GRK3: variants seen among roughly 807,000 people sequenced by gnomAD.
GRK3 encodes the protein G protein-coupled receptor kinase 3.
A neutral mutation model predicts 95.7 loss-of-function variants in GRK3; 54 were observed. That is an observed-to-expected ratio of 0.56 (90% CI 0.45 to 0.71). GRK3 has a LOEUF of 0.71. Ranked by LOEUF, GRK3 falls within the 30% of genes least tolerant of loss-of-function variation. The pLI is 0.00. For missense variants in GRK3, 649 were observed against 851.2 expected (o/e 0.76, Z 2.96); for synonymous variants, 281 against 290.8 (o/e 0.97, Z 0.34).
rs139955251 is a variant in GRK3 at position 25,650,198 on chromosome 22, C to T, written c.264+5533C>T. 4.6e-3 allele frequency among the ~76,000 whole-genome samples: 703 copies of T among 152,218 alleles called. 5 individuals carry two copies. Among genetic ancestry groups the T allele is most frequent in the Non-Finnish European group, 7.7e-3 (525 of 67,998 alleles). On this transcript the variant is annotated intron_variant, in intron 3 of 20. Transcript: ENST00000324198. ...GTGCCCTGAGTAGCACCCGCCACCACACCTGGCTAATTTTTTATATCTTTA... is the reference window on the plus strand; with the variant it reads ...GTGCCCTGAGTAGCACCCGCCACCATACCTGGCTAATTTTTTATATCTTTA...
At chr22:25,699,703 T>TG (rs1340609745) in intron 13 of GRK3, among the ~76,000 whole-genome samples, 1 of 148,266 alleles carries the variant, frequency 6.7e-6, no homozygotes, top group African/African-American at 2.5e-5. Flanking sequence ...TCTTTTCTTT[T>TG]TTTTTTTTTT....
At chr22:25,679,000 A>C in intron 9 of GRK3, 85 bp downstream of exon 9, 1 of 907,292 alleles carries the variant, frequency 1.1e-6, no homozygotes, top group Non-Finnish European at 1.7e-6. Context: ...CTTCTAGCTG[A>C]TTGCAAGGCC....
At chr22:25,596,536 T>A (rs2084373691) in intron 1 of GRK3, among the ~76,000 whole-genome samples, 1 of 152,240 alleles carries the variant, frequency 6.6e-6, no homozygotes, top group Non-Finnish European at 1.5e-5. Context: ...TTTGATTTAT[T>A]CCCTCAGAAC....
intron 2 of GRK3, among the ~76,000 whole-genome samples, chr22:25,624,869 C>T (rs1475959121): frequency 6.6e-6 from 1 of 151,442 alleles, no homozygotes; most frequent in Non-Finnish European, 1.5e-5. Context: ...TAGTATCAAA[C>T]TGTTATTTGC....
intron 1 of GRK3, among the ~76,000 whole-genome samples, chr22:25,593,052 C>T (rs901575742): frequency 6.6e-6 from 1 of 151,860 alleles, no homozygotes; most frequent in East Asian, 1.9e-4. Flanking sequence ...TTTCTTTATC[C>T]AGTCCACCAT....
chr22:25,622,331 A>C (rs181885910), intron 2 of GRK3, among the ~76,000 whole-genome samples: 4 of 152,294 alleles, frequency 2.6e-5, no homozygotes, highest in Non-Finnish European at 4.4e-5. Context: ...TCAGCGTCTG[A>C]GGGTATCAGC....
At chr22:25,665,799 A>G (rs1431343890) in intron 5 of GRK3, among the ~76,000 whole-genome samples, 1 of 152,244 alleles carries the variant, frequency 6.6e-6, no homozygotes, top group Non-Finnish European at 1.5e-5. Flanking sequence ...AGTTCATAGT[A>G]AAACAAAACT....
intron 1 of GRK3, among the ~76,000 whole-genome samples, chr22:25,594,360 G>A (rs2084357059): frequency 6.6e-6 from 1 of 152,118 alleles, no homozygotes; most frequent in Non-Finnish European, 1.5e-5. Context: ...TGCAAAGCCA[G>A]TATTACCCTG....
chr22:25,570,882 ATTTTGGAAGCCTTC>A, intron 1 of GRK3, among the ~76,000 whole-genome samples: 1 of 152,304 alleles, frequency 6.6e-6, no homozygotes, highest in South Asian at 2.1e-4. Context: ...GTTTCTTCTA[ATTTTGGAAGCCTTC>A]TTTTGGGTCC....
At chr22:25,600,046 T>C (rs1228837499) in intron 1 of GRK3, among the ~76,000 whole-genome samples, 1 of 152,024 alleles carries the variant, frequency 6.6e-6, no homozygotes. Flanking sequence ...TTTAAGTACT[T>C]CAATTAAAAG....
At chr22:25,691,932 T>A (rs1199204693) in intron 12 of GRK3, among the ~76,000 whole-genome samples, 1 of 152,214 alleles carries the variant, frequency 6.6e-6, no homozygotes, top group African/African-American at 2.4e-5. Flanking sequence ...AGGAGGCTAC[T>A]ACTTTAAAAA....
At chr22:25,565,245 C>A in intron 1 of GRK3, 92 bp downstream of exon 1, 1 of 534,260 alleles carries the variant, frequency 1.9e-6, no homozygotes. Flanking sequence ...GGCGCTGAGC[C>A]TCCGCTGCCC....
chr22:25,609,004 GA>G (rs1179438378), intron 2 of GRK3, among the ~76,000 whole-genome samples: 1 of 152,116 alleles, frequency 6.6e-6, no homozygotes, highest in African/African-American at 2.4e-5. Context: ...TCCTTATATA[GA>G]AATTTTATCT....
At chr22:25,592,588 T>G (rs1277394847) in intron 1 of GRK3, among the ~76,000 whole-genome samples, 5 of 152,190 alleles carry the variant, frequency 3.3e-5, no homozygotes, top group Non-Finnish European at 7.3e-5. Context: ...CTTTGAGAAC[T>G]TTTATAGTTT....
chr22:25,621,475 T>G (rs2084585712), intron 2 of GRK3, among the ~76,000 whole-genome samples: 1 of 152,164 alleles, frequency 6.6e-6, no homozygotes, highest in South Asian at 2.1e-4. Flanking sequence ...ATAGGCAGAG[T>G]TAGTCTAAAA....
At chr22:25,623,937 G>A (rs538074282) in intron 2 of GRK3, among the ~76,000 whole-genome samples, 1 of 152,140 alleles carries the variant, frequency 6.6e-6, no homozygotes, top group South Asian at 2.1e-4. Context: ...GGGAAACATA[G>A]CCTCCGGCCA....
chr22:25,616,966 C>T (rs1386446501), intron 2 of GRK3, among the ~76,000 whole-genome samples: 1 of 152,084 alleles, frequency 6.6e-6, no homozygotes, highest in Non-Finnish European at 1.5e-5. Context: ...AGAGCTTTGT[C>T]CTGAGGCTGA....
chr22:25,648,024 C>T, intron 3 of GRK3: 1 of 493,578 alleles, frequency 2.0e-6, no homozygotes, highest in Non-Finnish European at 3.7e-6. Flanking sequence ...GCTGAGGCAG[C>T]AGAATCACTT....
intron 3 of GRK3, 73 bp downstream of exon 3, chr22:25,644,738 A>T: frequency 1.4e-6 from 1 of 716,160 alleles, no homozygotes; most frequent in South Asian, 2.0e-5. Flanking sequence ...ACATATTAAG[A>T]CTACTTAATA....
Sources: allele counts gnomAD v4.1 joint callset (sites outside exome capture counted in the v4.1 genomes callset), GRCh38; gene constraint gnomAD v4.1.1; transcripts MANE v1.5; gene names NCBI Gene and HGNC (gene_info 2026-07-23, HGNC 2026-07-21).